The following DNAJB14 variants were observed in gnomAD, a reference collection of about 807,000 sequenced individuals.
DNAJB14 encodes the protein dnaJ homolog subfamily B member 14.
A neutral mutation model predicts 48.4 loss-of-function variants in DNAJB14; 22 were observed. The observed-to-expected ratio is 0.45, with a 90% CI of 0.32 to 0.65. The LOEUF (loss-of-function observed/expected upper bound fraction) is 0.65. DNAJB14 is among the 30% of genes least tolerant of loss of function. The probability of loss-of-function intolerance (pLI) is 0.03; values close to 1 mark genes in which losing one functional copy is unlikely to be tolerated. For synonymous variants in DNAJB14, 142 were observed against 158.7 expected (o/e 0.89, Z 0.79); for missense variants, 319 against 458.8 (o/e 0.70, Z 2.78).
intron 7 of DNAJB14, among the ~76,000 whole-genome samples, chr4:99,901,374 A>G (rs1336040613): frequency 6.6e-6 from 1 of 152,134 alleles, no homozygotes; most frequent in Admixed American, 6.5e-5. Flanking sequence ...ATAAATAAGG[A>G]TAGAATCCTG....
Position 99,906,627 on chromosome 4 carries a change from C to G in DNAJB14, c.638-16G>C. On this transcript the variant is annotated splice_polypyrimidine_tract_variant and intron_variant, in intron 4 of 7. Transcript: ENST00000442697. ...TGTACACTACCTAAAAAATTAAAAG[C>G]AAGGTTAAATTAGGGAGAGCAATTA... 1 of 1,597,284 alleles carries G rather than the reference C, an allele frequency of 6.3e-7. No homozygotes were observed. Among genetic ancestry groups the G allele is most frequent in the Middle Eastern group, 2.0e-4 (1 of 4,908 alleles).
intron 1 of DNAJB14, among the ~76,000 whole-genome samples, chr4:99,933,710 C>G (rs1276531066): frequency 6.6e-6 from 1 of 152,044 alleles, no homozygotes; most frequent in Non-Finnish European, 1.5e-5. Flanking sequence ...TGTGGGAATT[C>G]TGGAAAAAAG....
intron 2 of DNAJB14, chr4:99,923,930 T>C: frequency 1.1e-6 from 1 of 948,628 alleles, no homozygotes; most frequent in Non-Finnish European, 1.3e-6. Flanking sequence ...CAAAAAATGT[T>C]ATCCCTGATT....
intron 1 of DNAJB14, among the ~76,000 whole-genome samples, chr4:99,945,884 T>C (rs2110229940): frequency 6.6e-6 from 1 of 152,358 alleles, no homozygotes; most frequent in South Asian, 2.1e-4. Context: ...TTGACCATTC[T>C]TGCCGAAAGT....
chr4:99,925,350 G>A (rs1726212928), intron 2 of DNAJB14: 1 of 152,302 alleles, frequency 6.6e-6, no homozygotes, highest in African/African-American at 2.4e-5. Context: ...ACCCATAGAT[G>A]TGGAGAGCCG....
chr4:99,908,356 G>A (rs563128380), intron 4 of DNAJB14, among the ~76,000 whole-genome samples: 1 of 152,128 alleles, frequency 6.6e-6, no homozygotes, highest in South Asian at 2.1e-4. Context: ...CTCTAGGGAA[G>A]CAATGTCAAA....
intron 3 of DNAJB14, among the ~76,000 whole-genome samples, chr4:99,915,289 C>T (rs542564089): frequency 6.6e-6 from 1 of 152,250 alleles, no homozygotes; most frequent in South Asian, 2.1e-4. Flanking sequence ...AGGCGCCCGC[C>T]ACCACGCCCG....
At chr4:99,920,991 A>C (rs1266387409) in intron 3 of DNAJB14, among the ~76,000 whole-genome samples, 1 of 152,260 alleles carries the variant, frequency 6.6e-6, no homozygotes, top group Non-Finnish European at 1.5e-5. Context: ...AAAATAAAAT[A>C]AGATGATACA....
rs757536193 is a variant in DNAJB14 at position 99,906,541 on chromosome 4, A to T, written c.708T>A (p.His236Gln). Reference sequence around the variant, plus strand: ...CATCTCCTCTTTCCTCTTCTCTTTCATGTCCACTATGTCGATGCTGATGTT... The same window carrying T: ...CATCTCCTCTTTCCTCTTCTCTTTCTTGTCCACTATGTCGATGCTGATGTT... The part of the protein sequence containing the change: ...SQQHQHRHSG[H>Q]EREEERGDGG... The change falls in exon 5 of 8, where the codon CAT (histidine) becomes CAA (glutamine). Residue 236 changes from histidine to glutamine, a missense_variant. His to Gln is a conservative substitution (Grantham distance 24). This residue lies in a region of DNAJB14 where 166 missense variants were observed against 236.3 expected (regional missense o/e 0.70). Coordinates refer to ENST00000442697, the MANE Select transcript of DNAJB14 (RefSeq NM_001031723.4). 10 of 1,611,334 alleles carry T rather than the reference A, an allele frequency of 6.2e-6. No individual in the cohort carries two copies. The highest frequency in any genetic ancestry group is 7.6e-6 in the Non-Finnish European group (9 of 1,179,556).
rs546107051 is a variant in DNAJB14, at chr4:99,912,584, A to T, written c.452-3688T>A. ...AACCTCCACCTCCCAGGTTCAAGTGATTCTCCTACCTCAGCCTCCTGAGTA... is the reference window on the plus strand; with the variant it reads ...AACCTCCACCTCCCAGGTTCAAGTGTTTCTCCTACCTCAGCCTCCTGAGTA... On this transcript the variant is annotated intron_variant, in intron 3 of 7. Transcript: ENST00000442697. 1.2e-4 allele frequency among the ~76,000 whole-genome samples: 18 copies of T among 152,018 alleles called. No individual in the cohort carries two copies. In the East Asian group the frequency reaches 3.5e-3, roughly 30 times the overall value.
chr4:99,913,943 T>C (rs1725760391), intron 3 of DNAJB14, among the ~76,000 whole-genome samples: 1 of 152,176 alleles, frequency 6.6e-6, no homozygotes. Flanking sequence ...GGGCATAGCC[T>C]TGGCTTCTGG....
At chr4:99,927,904 C>G (rs1388702035) in intron 2 of DNAJB14, 1 of 152,098 alleles carries the variant, frequency 6.6e-6, no homozygotes, top group Non-Finnish European at 1.5e-5. Flanking sequence ...GATCTGTACC[C>G]TCACTAAAGC....
intron 1 of DNAJB14, among the ~76,000 whole-genome samples, chr4:99,932,984 AGGGT>A (rs1371328034): frequency 6.6e-6 from 1 of 152,118 alleles, no homozygotes; most frequent in Non-Finnish European, 1.5e-5. Context: ...GGTGCAGGGG[AGGGT>A]GGAACTGGGA....
chr4:99,900,328 G>A lies in DNAJB14; in HGVS notation c.*700C>T, dbSNP rs1310790458. On this transcript the variant is annotated 3_prime_UTR_variant, in exon 8 of 8. Coordinates refer to ENST00000442697, the MANE Select transcript of DNAJB14 (RefSeq NM_001031723.4). ...CTCATATTTTCTTTAAAATTTATCA[G>A]TATAGCATTTCATTTCTATGCATGT... is the stretch of plus-strand genomic sequence containing the variant. 1 of 151,816 alleles carries A rather than the reference G, an allele frequency of 6.6e-6. No homozygotes were observed. Among genetic ancestry groups the A allele is most frequent in the Non-Finnish European group, 1.5e-5 (1 of 67,868 alleles). 9.4% of individuals were successfully genotyped at this position (151,816 alleles called of 1,614,324 possible).
chr4:99,943,997 G>A (rs892517493), intron 1 of DNAJB14, among the ~76,000 whole-genome samples: 5 of 151,880 alleles, frequency 3.3e-5, no homozygotes, highest in Admixed American at 6.6e-5. Context: ...ATCTGATAAG[G>A]GGTTAATATC....
At position 99,935,402 on chromosome 4, in the gene DNAJB14, T is replaced by C. The variant is rs375680161; in HGVS notation, c.134-4781A>G. Among the ~76,000 whole-genome samples the C allele has an allele frequency of 7.9e-5, 12 of 152,282 alleles. 1 individual carries two copies. The East Asian group carries it at 2.3e-3, about 29-fold the overall frequency. On this transcript the variant is annotated intron_variant, in intron 1 of 7. Transcript: ENST00000442697. ...AAGCAGTAAAGCCACAGATGAACTG[T>C]TTTCAACATTCTAGAATGAATGGAG...
chr4:99,923,332 G>A, intron 2 of DNAJB14, 147 bp from the exon 3 acceptor site: 1 of 755,004 alleles, frequency 1.3e-6, no homozygotes, highest in East Asian at 3.1e-5. Flanking sequence ...TTAAGGATTA[G>A]TCTGCTTCAT....
At chr4:99,913,983 G>A (rs1285843090) in intron 3 of DNAJB14, among the ~76,000 whole-genome samples, 2 of 152,080 alleles carry the variant, frequency 1.3e-5, no homozygotes, top group Admixed American at 6.5e-5. Flanking sequence ...TAACATGGTG[G>A]AGAAAATCAA....
In DNAJB14 at chr4:99,903,687, C is replaced by T. The variant is rs758126461; in HGVS notation, c.1015+39G>A. On this transcript the variant is annotated intron_variant, in intron 7 of 7. Coordinates refer to ENST00000442697, the MANE Select transcript of DNAJB14 (RefSeq NM_001031723.4). ...CTACATTAATCAGTTCCAAAGACTG[C>T]GAATAAGTTTTAAAATGTTAAACAC... The T allele has an allele frequency of 1.5e-5, 24 of 1,575,310 alleles. No individual in the cohort carries two copies. In the Admixed American group the frequency reaches 2.5e-4, roughly 16 times the overall value.
Sources: gnomAD v4.1 joint callset for allele counts (sites outside exome capture counted in the v4.1 genomes callset) on GRCh38, gnomAD v4.1.1 for gene constraint, gnomAD v4.1.1 regional missense constraint, MANE v1.5 for transcripts, NCBI Gene and HGNC (gene_info 2026-07-23, HGNC 2026-07-21) for gene names.